SRPK1: variants seen among roughly 807,000 people sequenced by gnomAD.
SRPK1 encodes the protein SFRS protein kinase 1.
Under a neutral mutation model 89.5 loss-of-function variants are expected in SRPK1, and 52 were observed. The ratio of observed to expected loss-of-function variants is 0.58; its 90% CI spans 0.46 to 0.73. SRPK1 has a LOEUF of 0.73. Ranked by LOEUF, SRPK1 falls within the 30% of genes least tolerant of loss-of-function variation. SRPK1 has a pLI of 0.00. For missense variants in SRPK1, 603 were observed against 780.6 expected, an observed-to-expected ratio of 0.77 and a Z score of 2.71; for synonymous variants, 255 against 270.2, an observed-to-expected ratio of 0.94 and a Z score of 0.55.
intron 2 of SRPK1, among the ~76,000 whole-genome samples, chr6:35,911,813 T>C (rs1399668020): frequency 1.3e-5 from 2 of 152,042 alleles, no homozygotes. Flanking sequence ...ACTTAGAATA[T>C]AACATAATCT....
In SRPK1 at chr6:35,909,194, A is replaced by G. The variant is rs112297849; in HGVS notation, c.74+11274T>C. On this transcript the variant is annotated intron_variant, in intron 2 of 15. Transcript: ENST00000373825. ...AGCCACAGGCACTCAATGCCAGTCC[A>G]TGAAGGAGCTGCCCAAGGCTATGGG... 8.7e-3 allele frequency among the ~76,000 whole-genome samples: 1,330 copies of G among 152,360 alleles called. 10 individuals are homozygous for G. Among genetic ancestry groups the G allele is most frequent in the Middle Eastern group, 0.024 (7 of 294 alleles).
chr6:35,870,250 T>C (rs763369087), intron 10 of SRPK1, 31 bp downstream of exon 10: 9 of 1,581,204 alleles, frequency 5.7e-6, no homozygotes, highest in South Asian at 3.4e-5. Context: ...AAGTGTGTTG[T>C]ACAGTAATTT....
intron 6 of SRPK1, among the ~76,000 whole-genome samples, chr6:35,884,750 C>T (rs1022139928): frequency 2.0e-5 from 3 of 152,128 alleles, no homozygotes; most frequent in African/African-American, 7.2e-5. Flanking sequence ...CCTGTAATCC[C>T]AGCACTTTGG....
chr6:35,862,178 G>A (rs1769795742), intron 12 of SRPK1, among the ~76,000 whole-genome samples: 1 of 151,894 alleles, frequency 6.6e-6, no homozygotes, highest in South Asian at 2.1e-4. Context: ...AGCTGCCCAG[G>A]GGCCTGAGAA....
chr6:35,844,178 G>C (rs1769379160), intron 13 of SRPK1, among the ~76,000 whole-genome samples: 1 of 151,642 alleles, frequency 6.6e-6, no homozygotes, highest in Non-Finnish European at 1.5e-5. Context: ...CTAATTTTTT[G>C]TATTTTTAGT....
At chr6:35,858,385 A>T (rs778881544) in intron 12 of SRPK1, among the ~76,000 whole-genome samples, 5 of 152,200 alleles carry the variant, frequency 3.3e-5, no homozygotes, top group Non-Finnish European at 7.3e-5. Context: ...CAGAGTTTCA[A>T]TGTTGAAAGT....
At chr6:35,870,553 G>A (rs2127245836) in intron 9 of SRPK1, 59 bp from the exon 10 acceptor site, 7 of 1,435,250 alleles carry the variant, frequency 4.9e-6, no homozygotes, top group East Asian at 2.5e-5. Flanking sequence ...ACCCCCAGTT[G>A]GAGATAGTTG....
Position 35,909,927 on chromosome 6 carries a change from C to A in SRPK1, c.74+10541G>T, listed in dbSNP as rs910406299. On this transcript the variant is annotated intron_variant, in intron 2 of 15. Coordinates refer to ENST00000373825, the MANE Select transcript of SRPK1 (RefSeq NM_003137.5). ...TAAACCTCTTTCCTTTATAATTACC[C>A]AGTCTCAGGTAATATTCTTTACAGC... Among the ~76,000 whole-genome samples, 10 of 152,134 alleles carry A rather than the reference C, an allele frequency of 6.6e-5. 1 individual carries two copies. Among genetic ancestry groups the A allele is most frequent in the Admixed American group, 5.9e-4 (9 of 15,270 alleles).
intron 12 of SRPK1, among the ~76,000 whole-genome samples, chr6:35,863,747 A>G (rs769860648): frequency 6.6e-6 from 1 of 152,184 alleles, no homozygotes; most frequent in Non-Finnish European, 1.5e-5. Context: ...TAAAGAAGAG[A>G]GAAAATCTTT....
intron 6 of SRPK1, among the ~76,000 whole-genome samples, chr6:35,882,119 T>C (rs1368103925): frequency 1.9e-4 from 1 of 5,326 alleles, no homozygotes; most frequent in African/African-American, 5.6e-4. Flanking sequence ...GTAGTAGTAC[T>C]AGTAGTAGTA....
intron 2 of SRPK1, among the ~76,000 whole-genome samples, chr6:35,910,899 C>T (rs1207138347): frequency 6.6e-6 from 1 of 152,210 alleles, no homozygotes; most frequent in Non-Finnish European, 1.5e-5. Context: ...TTGAGACCTT[C>T]TGCTCAGAAA....
At chr6:35,920,575 G>A (rs1324496765) in intron 1 of SRPK1, 47 bp from the exon 2 acceptor site, 2 of 1,594,704 alleles carry the variant, frequency 1.3e-6, no homozygotes, top group Non-Finnish European at 8.6e-7. Context: ...AGGAAAGGAG[G>A]CGACCAAGGT....
intron 6 of SRPK1, among the ~76,000 whole-genome samples, chr6:35,886,268 C>G (rs1212464091): frequency 6.6e-6 from 1 of 151,908 alleles, no homozygotes; most frequent in Non-Finnish European, 1.5e-5. Flanking sequence ...TTGGTAGAAA[C>G]AGAGTTTCAC....
chr6:35,864,415 A>G (rs546765202), intron 12 of SRPK1, among the ~76,000 whole-genome samples: 6 of 152,340 alleles, frequency 3.9e-5, no homozygotes, highest in Admixed American at 3.9e-4. Flanking sequence ...TCTCAAAAGA[A>G]GACATACAAA....
At chr6:35,872,539 C>T (rs369116018) in intron 8 of SRPK1, 24 bp downstream of exon 8, 5 of 1,555,624 alleles carry the variant, frequency 3.2e-6, no homozygotes, top group South Asian at 2.5e-5. Context: ...CTAATGATAG[C>T]GAAGTCCCTA....
intron 12 of SRPK1, 128 bp downstream of exon 12, chr6:35,868,882 A>C (rs1336417461): frequency 3.0e-6 from 2 of 670,140 alleles, no homozygotes; most frequent in African/African-American, 3.8e-5. Flanking sequence ...TTTTAAATGT[A>C]AAAAAATATT....
At chr6:35,901,922 A>G (rs1770752245) in intron 2 of SRPK1, among the ~76,000 whole-genome samples, 1 of 152,204 alleles carries the variant, frequency 6.6e-6, no homozygotes, top group East Asian at 1.9e-4. Flanking sequence ...GGGTCTAACA[A>G]TATAAAAATA....
intron 12 of SRPK1, among the ~76,000 whole-genome samples, chr6:35,864,825 TGCATATAC>T (rs1376056844): frequency 7.9e-5 from 12 of 152,254 alleles, no homozygotes; most frequent in African/African-American, 2.9e-4. Context: ...AAAAATGTGG[TGCATATAC>T]ACAATAAAGT....
chr6:35,889,003 T>G (rs1371003821), intron 3 of SRPK1, 80 bp from the exon 4 acceptor site: 2 of 902,406 alleles, frequency 2.2e-6, no homozygotes, highest in Non-Finnish European at 3.7e-6. Flanking sequence ...AACATCACAT[T>G]TTTCAACATC....
Sources: allele counts gnomAD v4.1 joint callset (sites outside exome capture counted in the v4.1 genomes callset), GRCh38; gene constraint gnomAD v4.1.1; transcripts MANE v1.5; gene names NCBI Gene and HGNC (gene_info 2026-07-23, HGNC 2026-07-21).